TENM2: variants seen among roughly 807,000 people sequenced by gnomAD.
The protein encoded by TENM2 is teneurin-2.
Under a neutral mutation model 245.2 loss-of-function variants are expected in TENM2, and 52 were observed. The ratio of observed to expected loss-of-function variants is 0.21; its 90% CI spans 0.17 to 0.27. The LOEUF (loss-of-function observed/expected upper bound fraction) is 0.27. TENM2 is among the 10% of genes least tolerant of loss of function. The probability of loss-of-function intolerance (pLI) is 1.00; values close to 1 mark genes in which losing one functional copy is unlikely to be tolerated. For missense variants in TENM2, 3,046 were observed against 3,666.8 expected, an observed-to-expected ratio of 0.83 and a Z score of 4.37; for synonymous variants, 1,363 against 1,438.9, an observed-to-expected ratio of 0.95 and a Z score of 1.19.
intron 2 of TENM2, among the ~76,000 whole-genome samples, chr5:167,764,411 G>T (rs780274295): frequency 3.3e-5 from 5 of 152,056 alleles, no homozygotes; most frequent in Non-Finnish European, 4.4e-5. Flanking sequence ...AAATTGACTG[G>T]ATTGTCAGCT....
chr5:168,027,795 G>A (rs949736682), intron 5 of TENM2, among the ~76,000 whole-genome samples: 1 of 152,126 alleles, frequency 6.6e-6, no homozygotes, highest in African/African-American at 2.4e-5. Flanking sequence ...TTTTGCTTTT[G>A]TTTCTAGCTT....
At chr5:167,804,748 C>T (rs1047781119) in intron 2 of TENM2, among the ~76,000 whole-genome samples, 5 of 151,998 alleles carry the variant, frequency 3.3e-5, no homozygotes, top group Non-Finnish European at 4.4e-5. Context: ...AAATGAATCA[C>T]GGCATGGCGA....
rs1313893106 is a variant in TENM2 at position 167,989,533 on chromosome 5, T to A, written c.948-3411T>A. 1.2e-4 allele frequency among the ~76,000 whole-genome samples: 18 copies of A among 151,882 alleles called. 1 individual carries two copies. Among genetic ancestry groups the A allele is most frequent in the Admixed American group, 1.2e-3 (18 of 15,242 alleles). ...CTGATTAGAAACAAGGGTCAAAAAA[T>A]GGGTAGAGAGCCATGGTTCCATGTT... On this transcript the variant is annotated intron_variant, in intron 4 of 28. Coordinates refer to ENST00000518659, the Ensembl canonical transcript of TENM2.
chr5:167,034,911 AGTATTTCTTGGTTTGTGGGCCAAGCT>A, the TENM2 span, among the ~76,000 whole-genome samples: 11 of 152,206 alleles, frequency 7.2e-5, no homozygotes, highest in Admixed American at 2.0e-4. Context: ...AAAGTGCTTT[AGTATTTCTTGGTTTGTGGGCCAAGCT>A]GTATTTCCTT....
chr5:167,550,698 TAGTGTG>T lies in TENM2; in HGVS notation c.502+175226_502+175231del, dbSNP rs775628962. 2.0e-4 allele frequency among the ~76,000 whole-genome samples: 20 copies of T among 102,496 alleles called. No homozygotes were observed. In the East Asian group the frequency reaches 2.6e-3, roughly 13 times the overall value. The allele number at this position is 102,496 out of a possible 152,430, so 67.2% of individuals were successfully genotyped here. A position where few individuals can be genotyped will look rare whatever the true frequency, so the allele number is the denominator to read the frequency against. On this transcript the variant is annotated intron_variant, in intron 2 of 28. Transcript: ENST00000518659. ...CAATTACCTTTTTTTTTGTTGTTGTTAGTGTGTGTGTGTGTGTGTGTGTGTGTGTGT... is the reference window on the plus strand; with the variant it reads ...CAATTACCTTTTTTTTTGTTGTTGTTTGTGTGTGTGTGTGTGTGTGTGTGT...
At chr5:167,703,493 A>G (rs151163008) in intron 2 of TENM2, among the ~76,000 whole-genome samples, 6 of 143,786 alleles carry the variant, frequency 4.2e-5, no homozygotes, top group African/African-American at 1.3e-4. Context: ...GATCGCACCA[A>G]TGTACTCCAA....
the TENM2 span, among the ~76,000 whole-genome samples, chr5:167,146,091 A>C: frequency 6.6e-6 from 1 of 152,170 alleles, no homozygotes; most frequent in Non-Finnish European, 1.5e-5. Context: ...GAACAAAGGC[A>C]GCCTGATCAC....
intron 2 of TENM2, among the ~76,000 whole-genome samples, chr5:167,797,725 C>T (rs1765422492): frequency 6.6e-6 from 1 of 152,164 alleles, no homozygotes; most frequent in Non-Finnish European, 1.5e-5. Flanking sequence ...TTAATTCTCT[C>T]ATTGCCTTTG....
chr5:167,762,127 T>C (rs1561751371), intron 2 of TENM2, among the ~76,000 whole-genome samples: 1 of 152,044 alleles, frequency 6.6e-6, no homozygotes, highest in Non-Finnish European at 1.5e-5. Context: ...TTTAGTCTCT[T>C]TCTCTCTCCT....
At chr5:167,576,633 C>T (rs1245061172) in intron 2 of TENM2, among the ~76,000 whole-genome samples, 2 of 152,124 alleles carry the variant, frequency 1.3e-5, no homozygotes, top group South Asian at 2.1e-4. Flanking sequence ...AATGCTAAAA[C>T]CCTTTAACAT....
chr5:167,432,210 A>G (rs958195427), intron 2 of TENM2, among the ~76,000 whole-genome samples: 1 of 151,612 alleles, frequency 6.6e-6, no homozygotes, highest in African/African-American at 2.4e-5. Context: ...AAAACAGCTC[A>G]TCATCAACGT....
At chr5:168,165,411 G>C (rs1466368423) in intron 13 of TENM2, among the ~76,000 whole-genome samples, 2 of 152,090 alleles carry the variant, frequency 1.3e-5, no homozygotes, top group African/African-American at 4.8e-5. Context: ...CCTGGTGTCA[G>C]CAGCTGAAAG....
rs1171821053 is a variant in TENM2 at position 167,899,268 on chromosome 5, G to A, written c.712+23073G>A. 2.6e-5 allele frequency among the ~76,000 whole-genome samples: 4 copies of A among 152,224 alleles called. No individual in the cohort carries two copies. The South Asian group carries it at 8.3e-4, about 32-fold the overall frequency. On this transcript the variant is annotated intron_variant, in intron 3 of 28. Coordinates refer to ENST00000518659, the Ensembl canonical transcript of TENM2. ...TTAGGAGAAGAGTCACGTTAATGTCGCATTATCAAAGCTAAAGAAAGAGTA... is the reference window on the plus strand; with the variant it reads ...TTAGGAGAAGAGTCACGTTAATGTCACATTATCAAAGCTAAAGAAAGAGTA...
chr5:167,699,587 G>C (rs908455371), intron 2 of TENM2, among the ~76,000 whole-genome samples: 3 of 152,190 alleles, frequency 2.0e-5, no homozygotes, highest in African/African-American at 7.2e-5. Context: ...TAGCCAGATA[G>C]AACTAGAACA....
chr5:167,249,225 T>G, the TENM2 span, among the ~76,000 whole-genome samples: 1 of 152,192 alleles, frequency 6.6e-6, no homozygotes, highest in African/African-American at 2.4e-5. Flanking sequence ...GAAACATTGT[T>G]GAAGTAAATC....
intron 2 of TENM2, among the ~76,000 whole-genome samples, chr5:167,384,714 G>A (rs376709635): frequency 1.4e-4 from 15 of 108,658 alleles, no homozygotes; most frequent in East Asian, 7.0e-4. Flanking sequence ...GCGCACACAC[G>A]CACACACACA....
chr5:168,156,260 A>AAAAAC (rs1554210157), intron 12 of TENM2, among the ~76,000 whole-genome samples: 2 of 150,736 alleles, frequency 1.3e-5, no homozygotes, highest in Non-Finnish European at 3.0e-5. Flanking sequence ...AAAAAAAAAA[A>AAAAAC]AAAAAACACT....
At chr5:167,457,806 A>C (rs1766014352) in intron 2 of TENM2, among the ~76,000 whole-genome samples, 1 of 152,246 alleles carries the variant, frequency 6.6e-6, no homozygotes, top group Admixed American at 6.5e-5. Flanking sequence ...TCTGGTAAGT[A>C]AATAAACATT....
At chr5:167,774,614 C>T (rs151166036) in intron 2 of TENM2, among the ~76,000 whole-genome samples, 132 of 152,216 alleles carry the variant, frequency 8.7e-4, no homozygotes, top group African/African-American at 3.0e-3. Context: ...CATGGATACC[C>T]CTGGGTTGCC....
Sources: gnomAD v4.1 joint callset for allele counts (sites outside exome capture counted in the v4.1 genomes callset) on GRCh38, gnomAD v4.1.1 for gene constraint, MANE v1.5 for transcripts, NCBI Gene and HGNC (gene_info 2026-07-23, HGNC 2026-07-21) for gene names.